OSGEPL1: variants seen among roughly 807,000 people sequenced by gnomAD.
The protein encoded by OSGEPL1 is O-sialoglycoprotein endopeptidase like 1, also known as tRNA N6-adenosine threonylcarbamoyltransferase, mitochondrial.
In OSGEPL1, 26 loss-of-function variants were observed where a neutral mutation model predicts 37.2. The ratio of observed to expected loss-of-function variants is 0.70; its 90% CI spans 0.51 to 0.97. OSGEPL1 has a LOEUF of 0.97. OSGEPL1 is among the 50% of genes least tolerant of loss of function. The probability of loss-of-function intolerance (pLI) is 0.00; values close to 1 mark genes in which losing one functional copy is unlikely to be tolerated. For synonymous variants in OSGEPL1, 140 were observed against 159.9 expected (o/e 0.88, Z 0.94); for missense variants, 404 against 487.0 (o/e 0.83, Z 1.60).
At chr2:189,754,734 G>A in intron 3 of OSGEPL1, 1 of 211,564 alleles carries the variant, frequency 4.7e-6, no homozygotes, top group Non-Finnish European at 8.5e-6. Flanking sequence ...AGTAGCCTCT[G>A]TAGTATTCTA....
intron 2 of OSGEPL1, among the ~76,000 whole-genome samples, chr2:189,756,934 A>G (rs1271782177): frequency 6.6e-6 from 1 of 152,168 alleles, no homozygotes; most frequent in Non-Finnish European, 1.5e-5. Context: ...CTCTCCCTGC[A>G]ACTCATTTCT....
rs2106000887 is a variant in OSGEPL1 at position 189,754,274 on chromosome 2, AT to A, written c.680del (p.His227LeufsTer37). 6.2e-7 allele frequency: 1 copy of A among 1,613,828 alleles called. No individual in the cohort carries two copies. The highest frequency in any genetic ancestry group is 2.2e-5 in the East Asian group (1 of 44,862). Reference protein sequence around the residue: ...STMSGGKAIEHLAKQGNRFHF... With the variant: ...STMSGGKAIEXLAKQGNRFHF... ...GAAATCTATTTCCTTGTTTGGCCAA[AT>A]GTTCTATGGCTTTCCCACCACTCAT... On this transcript the variant is annotated frameshift_variant, in exon 4 of 9. Coordinates refer to ENST00000264151, the MANE Select transcript of OSGEPL1 (RefSeq NM_022353.3). LOFTEE classifies it high-confidence loss of function.
chr2:189,762,438 C>T, intron 1 of OSGEPL1: 3 of 288,036 alleles, frequency 1.0e-5, no homozygotes, highest in Non-Finnish European at 1.0e-5. Context: ...TTGCAGAAGG[C>T]AGTTGCGGGC....
At chr2:189,762,850 G>C, upstream of OSGEPL1, 6 of 985,470 alleles carry the variant, frequency 6.1e-6, no homozygotes, top group Non-Finnish European at 7.2e-6. Context: ...CTAGCGAGCG[G>C]CATGCTTAGT....
At position 189,752,695 on chromosome 2, in the gene OSGEPL1, A is replaced by C. The variant is rs1293288237; in HGVS notation, c.1124T>G (p.Leu375Trp). The C allele has an allele frequency of 6.2e-7, 1 of 1,613,806 alleles. No individual in the cohort carries two copies. Among genetic ancestry groups the C allele is most frequent in the East Asian group, 2.2e-5 (1 of 44,872 alleles). Residue 375 changes from leucine (L) to tryptophan (W), a missense_variant, in exon 7 of 9, where the codon TTG (leucine) becomes TGG (tryptophan). Leu to Trp is a moderately conservative substitution (Grantham distance 61). Transcript: ENST00000264151. The part of the protein sequence containing the change: ...WNGIERLRAG[L>W]GILHDIEGIR... ...GCCTTCTATGTCATGTAAAATGCCC[A>C]AGCCAGCACGTAGTCTTTCAATACC...
intron 2 of OSGEPL1, chr2:189,761,184 A>T (rs2047011646): frequency 2.9e-6 from 1 of 348,122 alleles, no homozygotes; most frequent in Non-Finnish European, 5.1e-6. Context: ...ATAAATACGG[A>T]AGCTGGGAAT....
intron 3 of OSGEPL1, 64 bp from the exon 4 acceptor site, chr2:189,754,409 G>A: frequency 7.1e-7 from 1 of 1,415,316 alleles, no homozygotes; most frequent in Non-Finnish European, 9.5e-7. Flanking sequence ...AAGATGCAAA[G>A]GAAATAAATT....
chr2:189,753,102 T>C (rs1398374022), intron 5 of OSGEPL1, 123 bp from the exon 6 acceptor site: 2 of 820,892 alleles, frequency 2.4e-6, no homozygotes, highest in African/African-American at 3.5e-5. Flanking sequence ...AGATGGGTAA[T>C]GGGCAGATGA....
Position 189,761,413 on chromosome 2 carries a change from T to A in OSGEPL1, c.221+7A>T. The A allele has an allele frequency of 6.3e-7, 1 of 1,593,490 alleles. No individual in the cohort carries two copies. Among genetic ancestry groups the A allele is most frequent in the Non-Finnish European group, 8.5e-7 (1 of 1,174,270 alleles). On this transcript the variant is annotated splice_region_variant and intron_variant, in intron 2 of 8. Coordinates refer to ENST00000264151, the MANE Select transcript of OSGEPL1 (RefSeq NM_022353.3). ...AAGTGGAAATGACTAAGATAATGTC[T>A]ACTTACTTTAAATGAACTTCAGTTT...
At chr2:189,760,423 G>GC (rs1428932941) in intron 2 of OSGEPL1, among the ~76,000 whole-genome samples, 2 of 152,056 alleles carry the variant, frequency 1.3e-5, no homozygotes, top group Admixed American at 1.3e-4. Context: ...GGGCGGGGGC[G>GC]CCCCCCACCT....
At chr2:189,750,084 G>C (rs1474326171) in intron 8 of OSGEPL1, among the ~76,000 whole-genome samples, 1 of 152,060 alleles carries the variant, frequency 6.6e-6, no homozygotes, top group Non-Finnish European at 1.5e-5. Flanking sequence ...CTGAGATCAC[G>C]CCACTGCAAT....
At chr2:189,761,796 G>A (rs1210471374) in intron 1 of OSGEPL1, 136 bp from the exon 2 acceptor site, 3 of 797,304 alleles carry the variant, frequency 3.8e-6, no homozygotes, top group Non-Finnish European at 5.4e-6. Context: ...AGCAACATGG[G>A]AATATAAATA....
intron 2 of OSGEPL1, 106 bp downstream of exon 2, chr2:189,761,314 A>G: frequency 8.2e-7 from 1 of 1,219,100 alleles, no homozygotes; most frequent in Non-Finnish European, 1.1e-6. Flanking sequence ...TGTTTGCAAA[A>G]AGGAATAAGA....
chr2:189,753,193 A>ATATT, intron 5 of OSGEPL1: 1 of 325,184 alleles, frequency 3.1e-6, no homozygotes, highest in Non-Finnish European at 5.6e-6. Context: ...GCATTTTTGT[A>ATATT]TATTTTCTTC....
intron 7 of OSGEPL1, among the ~76,000 whole-genome samples, chr2:189,751,575 G>A (rs1317124397): frequency 6.6e-6 from 1 of 150,788 alleles, no homozygotes; most frequent in Admixed American, 6.6e-5. Flanking sequence ...CTCCCGAGTA[G>A]CTGCGATTAC....
chr2:189,754,028 T>C lies in OSGEPL1; in HGVS notation c.851A>G (p.Asp284Gly), dbSNP rs2045688648. 1.2e-6 allele frequency: 2 copies of C among 1,613,516 alleles called. No homozygotes were observed. Among genetic ancestry groups the C allele is most frequent in the Non-Finnish European group, 1.7e-6 (2 of 1,179,760 alleles). ...TGTGTGCTGTACTGTGGCAGCAATGTCTGCTGCTGAAGACAGGATTTGCCC... is the reference window on the plus strand; with the variant it reads ...TGTGTGCTGTACTGTGGCAGCAATGCCTGCTGCTGAAGACAGGATTTGCCC... ...EKGQILSSAA[D>G]IAATVQHTMA... Residue 284 changes from aspartate (D) to glycine (G), a missense_variant, in exon 5 of 9, where the codon GAC becomes GGC. Transcript: ENST00000264151.
intron 8 of OSGEPL1, among the ~76,000 whole-genome samples, chr2:189,749,911 C>T (rs1042543908): frequency 6.6e-6 from 1 of 152,062 alleles, no homozygotes; most frequent in African/African-American, 2.4e-5. Flanking sequence ...TGCCTGAGCT[C>T]AGGAGTTCAA....
At chr2:189,760,698 G>C (rs1574930038) in intron 2 of OSGEPL1, among the ~76,000 whole-genome samples, 1 of 91,442 alleles carries the variant, frequency 1.1e-5, no homozygotes, top group South Asian at 2.7e-4. Context: ...GGCTGAGACA[G>C]GGGAATCGTT....
In OSGEPL1 at chr2:189,748,306, C is replaced by G. The variant is rs184786060; in HGVS notation, c.*29-1138G>C. On this transcript the variant is annotated intron_variant, in intron 8 of 8. Coordinates refer to ENST00000264151, the MANE Select transcript of OSGEPL1 (RefSeq NM_022353.3). ...TAGCCTATAACTCCTGGGTTCAAAGCAATCATCCCACCTCAGCCTCCTGAG... is the reference window on the plus strand; with the variant it reads ...TAGCCTATAACTCCTGGGTTCAAAGGAATCATCCCACCTCAGCCTCCTGAG... Among the ~76,000 whole-genome samples, 406 of 152,288 alleles carry G rather than the reference C, an allele frequency of 2.7e-3. 1 individual carries two copies. The highest frequency in any genetic ancestry group is 5.5e-3 in the Admixed American group (84 of 15,304).
Sources: gnomAD v4.1 joint callset for allele counts (sites outside exome capture counted in the v4.1 genomes callset) on GRCh38, gnomAD v4.1.1 for gene constraint, MANE v1.5 for transcripts, NCBI Gene and HGNC (gene_info 2026-07-23, HGNC 2026-07-21) for gene names.